The following DAB1 variants were observed in gnomAD, a reference collection of about 807,000 sequenced individuals.
DAB1 encodes disabled homolog 1.
In DAB1, 15 loss-of-function variants were observed where a neutral mutation model predicts 64.6. The observed-to-expected ratio is 0.23, with a 90% CI of 0.16 to 0.36. The LOEUF is 0.36. Among genes scored for constraint, DAB1 ranks in the 10% least tolerant of loss-of-function variants. The pLI, the probability that DAB1 is intolerant of heterozygous loss-of-function variation, is 1.00. For synonymous variants in DAB1, 235 were observed against 251.9 expected (o/e 0.93, Z 0.64); for missense variants, 596 against 706.7 (o/e 0.84, Z 1.78).
intron 5 of DAB1, among the ~76,000 whole-genome samples, chr1:57,927,076 T>C (rs1381591444): frequency 6.6e-6 from 1 of 152,218 alleles, no homozygotes; most frequent in Non-Finnish European, 1.5e-5. Context: ...TTAAACTTTC[T>C]GATCATCAGT....
intron 5 of DAB1, among the ~76,000 whole-genome samples, chr1:58,033,626 G>A (rs1647001638): frequency 6.6e-6 from 1 of 152,104 alleles, no homozygotes; most frequent in African/African-American, 2.4e-5. Context: ...CTTCTTCAAA[G>A]GTAGTGATAC....
intron 5 of DAB1, among the ~76,000 whole-genome samples, chr1:58,096,092 G>T (rs943562271): frequency 6.6e-6 from 1 of 152,142 alleles, no homozygotes; most frequent in East Asian, 1.9e-4. Flanking sequence ...CAAGAGCATT[G>T]CTTAGGTTCT....
At chr1:57,555,506 TGGA>T (rs1328547108) in intron 7 of DAB1, among the ~76,000 whole-genome samples, 1 of 151,970 alleles carries the variant, frequency 6.6e-6, no homozygotes, top group Admixed American at 6.6e-5. Flanking sequence ...AATAAGTCTA[TGGA>T]GTTTACACAG....
chr1:57,705,119 C>T (rs1353157598), intron 6 of DAB1, among the ~76,000 whole-genome samples: 1 of 152,126 alleles, frequency 6.6e-6, no homozygotes, highest in Non-Finnish European at 1.5e-5. Context: ...TAGTATTCTA[C>T]TCATAGTTGT....
rs771862812 is a variant in DAB1, at chr1:57,253,674, T to G, written c.67+37290A>C. Among the ~76,000 whole-genome samples, 9 of 152,202 alleles carry G rather than the reference T, an allele frequency of 5.9e-5. 1 individual carries two copies. The highest frequency in any genetic ancestry group is 1.0e-4 in the Non-Finnish European group (7 of 68,038). ...AAAGTCCGATAAGTTAGCACTCTTA[T>G]TTCTATATTTCTTGGTATGGTTAGT... On this transcript the variant is annotated intron_variant, in intron 2 of 14. Transcript: ENST00000371236.
intron 5 of DAB1, among the ~76,000 whole-genome samples, chr1:58,055,243 A>G (rs74076034): frequency 0.055 from 8,399 of 152,136 alleles, 778 homozygotes; most frequent in African/African-American, 0.19. Context: ...ATCTCATCAC[A>G]CTCAGTTCCT....
chr1:57,971,461 T>A (rs74685502), intron 5 of DAB1, among the ~76,000 whole-genome samples: 11,838 of 152,128 alleles, frequency 0.078, 529 homozygotes, highest in Non-Finnish European at 0.089. Flanking sequence ...TGGTGTAGTG[T>A]GAGGGAAAGG....
At chr1:58,127,206 C>T (rs562308789) in intron 5 of DAB1, among the ~76,000 whole-genome samples, 1 of 152,160 alleles carries the variant, frequency 6.6e-6, no homozygotes, top group Non-Finnish European at 1.5e-5. Flanking sequence ...TCTCTGATGG[C>T]CAGTGATGAT....
chr1:58,446,111 T>C (rs112234259), intron 3 of DAB1, among the ~76,000 whole-genome samples: 316 of 152,282 alleles, frequency 2.1e-3, no homozygotes, highest in African/African-American at 7.3e-3. Flanking sequence ...ATTATTTAAA[T>C]TTACATATAT....
chr1:57,100,746 C>G (rs1271198), intron 4 of DAB1, among the ~76,000 whole-genome samples: 2 of 138,288 alleles, frequency 1.4e-5, no homozygotes, highest in Admixed American at 7.3e-5. Flanking sequence ...ACTGGGAGCT[C>G]GCCAAGCTGG....
rs950058640 is a variant in DAB1, at chr1:58,132,175, A to T, written n.387+18336T>A. On this transcript the variant is annotated intron_variant and non_coding_transcript_variant, in intron 5 of 20. Transcript: ENST00000485760. ...TAATCTCGTGGTGCGCCGTTTTTTA[A>T]GCCCGTCGGAAAAGCGCAGTATTCG... 8.5e-5 allele frequency among the ~76,000 whole-genome samples: 13 copies of T among 152,150 alleles called. No individual in the cohort carries two copies. In the East Asian group the frequency reaches 2.5e-3, roughly 29 times the overall value.
chr1:57,675,345 C>A (rs546506698), intron 6 of DAB1, among the ~76,000 whole-genome samples: 1 of 152,186 alleles, frequency 6.6e-6, no homozygotes, highest in Non-Finnish European at 1.5e-5. Flanking sequence ...ACAAGGCTAA[C>A]ATAGAAACAG....
intron 6 of DAB1, among the ~76,000 whole-genome samples, chr1:57,694,247 T>C (rs1056896386): frequency 6.6e-6 from 1 of 152,164 alleles, no homozygotes; most frequent in African/African-American, 2.4e-5. Flanking sequence ...AGAAAACAAA[T>C]GCTATCAATG....
intron 2 of DAB1, among the ~76,000 whole-genome samples, chr1:57,282,892 A>G (rs937244647): frequency 3.3e-5 from 5 of 152,240 alleles, no homozygotes; most frequent in African/African-American, 1.2e-4. Context: ...ATAAATTTAC[A>G]TGATGTAGCT....
intron 5 of DAB1, among the ~76,000 whole-genome samples, chr1:58,090,139 A>G (rs1445280349): frequency 6.6e-6 from 1 of 152,154 alleles, no homozygotes; most frequent in Non-Finnish European, 1.5e-5. Flanking sequence ...AGAGGGGAGG[A>G]GAGGAGGTGC....
chr1:58,300,713 GAAGA>G (rs1374813811), intron 4 of DAB1, among the ~76,000 whole-genome samples: 4 of 145,860 alleles, frequency 2.7e-5, no homozygotes, highest in African/African-American at 1.0e-4. Flanking sequence ...AGGAAGGAAG[GAAGA>G]GAAAACTGGC....
chr1:57,076,422 T>C (rs914419944), intron 4 of DAB1, among the ~76,000 whole-genome samples: 5 of 152,156 alleles, frequency 3.3e-5, no homozygotes, highest in Non-Finnish European at 7.4e-5. Context: ...ACACCCTAGC[T>C]CTCTGCCACA....
chr1:57,350,849 G>A (rs1217327464), intron 1 of DAB1, among the ~76,000 whole-genome samples: 1 of 152,182 alleles, frequency 6.6e-6, no homozygotes, highest in East Asian at 1.9e-4. Flanking sequence ...CTGTGCGTTT[G>A]TAAGATGAGT....
At chr1:57,181,624 G>A (rs1662945425) in intron 2 of DAB1, among the ~76,000 whole-genome samples, 1 of 152,156 alleles carries the variant, frequency 6.6e-6, no homozygotes. Flanking sequence ...AATTCTGCTG[G>A]CTGTGTTAAA....
Sources: allele counts gnomAD v4.1 joint callset (sites outside exome capture counted in the v4.1 genomes callset), GRCh38; gene constraint gnomAD v4.1.1; transcripts MANE v1.5; gene names NCBI Gene and HGNC (gene_info 2026-07-23, HGNC 2026-07-21).